Variants in PID1 observed in about 807,000 individuals in gnomAD.
PID1 encodes the protein PTB-containing, cubilin and LRP1-interacting protein.
A neutral mutation model predicts 19.1 loss-of-function variants in PID1; 10 were observed. That is an observed-to-expected ratio of 0.52 (90% CI 0.32 to 0.89). The LOEUF (loss-of-function observed/expected upper bound fraction) is 0.89, where lower values mean the gene tolerates loss of function less well. PID1 is among the 40% of genes least tolerant of loss of function. The pLI is 0.03. For synonymous variants in PID1, 130 were observed against 116.0 expected (o/e 1.12, Z -0.78); for missense variants, 248 against 285.3 (o/e 0.87, Z 0.94).
At chr2:229,182,691 G>T (rs1176835346) in intron 1 of PID1, among the ~76,000 whole-genome samples, 1 of 152,170 alleles carries the variant, frequency 6.6e-6, no homozygotes, top group Non-Finnish European at 1.5e-5. Flanking sequence ...CATCATGACA[G>T]TTCCCTTTCA....
At chr2:229,176,339 T>C (rs1288981786) in intron 1 of PID1, among the ~76,000 whole-genome samples, 1 of 152,216 alleles carries the variant, frequency 6.6e-6, no homozygotes, top group African/African-American at 2.4e-5. Flanking sequence ...CCTCAGCTCA[T>C]AGTCACATGC....
intron 2 of PID1, among the ~76,000 whole-genome samples, chr2:229,102,032 G>A (rs1231079095): frequency 3.2e-4 from 49 of 152,128 alleles, no homozygotes; most frequent in African/African-American, 2.4e-5. Flanking sequence ...GTTGCAGCAT[G>A]AGAAACATTT....
intron 2 of PID1, among the ~76,000 whole-genome samples, chr2:229,153,841 T>G (rs964956967): frequency 2.0e-5 from 3 of 152,204 alleles, no homozygotes; most frequent in African/African-American, 7.2e-5. Context: ...AAACATACTT[T>G]ATAGGCTTTA....
chr2:229,094,789 TG>T (rs1342583831), intron 2 of PID1, among the ~76,000 whole-genome samples: 1 of 151,930 alleles, frequency 6.6e-6, no homozygotes, highest in African/African-American at 2.4e-5. Context: ...TCCTAAAATA[TG>T]TACAAACTAT....
At chr2:229,249,552 C>T (rs1458356264) in intron 1 of PID1, among the ~76,000 whole-genome samples, 2 of 152,164 alleles carry the variant, frequency 1.3e-5, no homozygotes, top group Non-Finnish European at 2.9e-5. Context: ...CAAAGATGAA[C>T]AAAGACCCAG....
At position 229,223,868 on chromosome 2, in the gene PID1, G is replaced by A. The variant is rs146131965; in HGVS notation, c.30+47146C>T. Among the ~76,000 whole-genome samples, 107 of 152,230 alleles carry A rather than the reference G, an allele frequency of 7.0e-4. No homozygotes were observed. In the East Asian group the frequency reaches 8.9e-3, roughly 13 times the overall value. ...TAATGCTGAGGTTTGGGTTTCTAGCGGACACATCGCCCAAATAGTGGACAT... is the reference window on the plus strand; with the variant it reads ...TAATGCTGAGGTTTGGGTTTCTAGCAGACACATCGCCCAAATAGTGGACAT... On this transcript the variant is annotated intron_variant, in intron 1 of 2. Transcript: ENST00000392055.
At chr2:229,216,781 T>C (rs1382324432) in intron 1 of PID1, among the ~76,000 whole-genome samples, 1 of 152,156 alleles carries the variant, frequency 6.6e-6, no homozygotes, top group African/African-American at 2.4e-5. Context: ...AAACAGTGAC[T>C]GTCCCAGAGC....
intron 2 of PID1, among the ~76,000 whole-genome samples, chr2:229,076,538 C>T (rs953154331): frequency 6.6e-6 from 1 of 152,184 alleles, no homozygotes; most frequent in African/African-American, 2.4e-5. Context: ...TGTTATCCCT[C>T]CCATTGCCTC....
At chr2:229,053,819 C>G (rs1017953927) in intron 2 of PID1, among the ~76,000 whole-genome samples, 2 of 152,022 alleles carry the variant, frequency 1.3e-5, no homozygotes, top group Non-Finnish European at 2.9e-5. Context: ...AAAATGAAAC[C>G]CAGCAATCAG....
intron 2 of PID1, among the ~76,000 whole-genome samples, chr2:229,123,522 G>T (rs1482939968): frequency 6.6e-6 from 1 of 152,142 alleles, no homozygotes. Context: ...GTCTTCATTT[G>T]TCTTGGATAT....
intron 1 of PID1, among the ~76,000 whole-genome samples, chr2:229,206,725 T>G (rs1484291522): frequency 6.6e-6 from 1 of 152,240 alleles, no homozygotes; most frequent in East Asian, 1.9e-4. Flanking sequence ...TCTGCTGGGC[T>G]GAAGCCAAGG....
chr2:229,189,715 C>T (rs1691215739), intron 1 of PID1, among the ~76,000 whole-genome samples: 1 of 152,072 alleles, frequency 6.6e-6, no homozygotes, highest in Admixed American at 6.6e-5. Context: ...AAAAAGAAGC[C>T]TCAAATGGCT....
At chr2:229,092,722 C>T (rs895937798) in intron 2 of PID1, among the ~76,000 whole-genome samples, 2 of 152,208 alleles carry the variant, frequency 1.3e-5, no homozygotes, top group Admixed American at 6.5e-5. Flanking sequence ...TCTTGGAGGT[C>T]CCAGAAAACC....
At position 229,154,323 on chromosome 2, in the gene PID1, A is replaced by C. The variant is rs549046292; in HGVS notation, c.177+1495T>G. Among the ~76,000 whole-genome samples, 3 of 151,228 alleles carry C rather than the reference A, an allele frequency of 2.0e-5. No homozygotes were observed. The South Asian group carries it at 6.3e-4, about 32-fold the overall frequency. On this transcript the variant is annotated intron_variant, in intron 2 of 2. Coordinates refer to ENST00000392055, the MANE Select transcript of PID1 (RefSeq NM_001100818.2). ...CTCAAGTTCTCAGGTACACTGGCCC[A>C]TTCCCTGTTGTTCCCAAACACACCA...
chr2:229,086,693 A>C (rs1373813936), intron 2 of PID1, among the ~76,000 whole-genome samples: 1 of 152,174 alleles, frequency 6.6e-6, no homozygotes, highest in Non-Finnish European at 1.5e-5. Flanking sequence ...GTGGAGTAAC[A>C]ACTAGAAAAA....
intron 2 of PID1, among the ~76,000 whole-genome samples, chr2:229,134,745 A>G (rs1458264694): frequency 6.6e-6 from 1 of 152,180 alleles, no homozygotes; most frequent in Non-Finnish European, 1.5e-5. Flanking sequence ...ATTTATTAAA[A>G]TCTTAGAGTC....
At chr2:229,077,603 G>C (rs549018977) in intron 2 of PID1, among the ~76,000 whole-genome samples, 1 of 152,222 alleles carries the variant, frequency 6.6e-6, no homozygotes, top group East Asian at 1.9e-4. Context: ...TTTTGCATAT[G>C]GCTAGCCAGT....
chr2:229,158,732 T>TAC (rs1022929431), intron 1 of PID1, among the ~76,000 whole-genome samples: 3 of 152,144 alleles, frequency 2.0e-5, no homozygotes, highest in Non-Finnish European at 2.9e-5. Context: ...TGGATAATGA[T>TAC]ACACACACAC....
In PID1 at chr2:229,232,788, AATATATATATATATAT is replaced by A. The variant is rs3997299; in HGVS notation, c.30+38210_30+38225del. 1.7e-3 allele frequency among the ~76,000 whole-genome samples: 232 copies of A among 139,904 alleles called. 1 individual carries two copies. Among genetic ancestry groups the A allele is most frequent in the East Asian group, 0.011 (53 of 4,928 alleles). 91.8% of individuals were successfully genotyped at this position (139,904 alleles called of 152,430 possible). A position where few individuals can be genotyped will look rare whatever the true frequency, so the allele number is the denominator to read the frequency against. ...GAATATATATACACACACACACATA[AATATATATATATATAT>A]ATATATATATATATATATATTTACA... is the stretch of plus-strand genomic sequence containing the variant. On this transcript the variant is annotated intron_variant, in intron 1 of 2. Transcript: ENST00000392055.
Sources: gnomAD v4.1 joint callset for allele counts (sites outside exome capture counted in the v4.1 genomes callset) on GRCh38, gnomAD v4.1.1 for gene constraint, MANE v1.5 for transcripts, NCBI Gene and HGNC (gene_info 2026-07-23, HGNC 2026-07-21) for gene names.